SYNE1: variants seen among roughly 807,000 people sequenced by gnomAD.
SYNE1 encodes the protein spectrin repeat containing nuclear envelope protein 1.
In SYNE1, 616 loss-of-function variants were observed where a neutral mutation model predicts 1,111.0. The ratio of observed to expected loss-of-function variants is 0.55; its 90% CI spans 0.52 to 0.59. SYNE1 has a LOEUF of 0.59. Among genes scored for constraint, SYNE1 ranks in the 20% least tolerant of loss-of-function variants. The pLI is 0.00. For synonymous variants in SYNE1, 3,855 were observed against 3,825.8 expected, an observed-to-expected ratio of 1.01 and a Z score of -0.28; for missense variants, 10,006 against 10,417.0, an observed-to-expected ratio of 0.96 and a Z score of 1.72.
At chr6:152,284,227 C>G in intron 95 of SYNE1, 55 bp from the exon 96 acceptor site, 1 of 1,567,472 alleles carries the variant, frequency 6.4e-7, no homozygotes, top group Non-Finnish European at 8.8e-7. Flanking sequence ...ACTGAGGGAT[C>G]ATTAGCACTA....
intron 92 of SYNE1, among the ~76,000 whole-genome samples, chr6:152,301,318 T>G (rs2095155263): frequency 6.6e-6 from 1 of 152,214 alleles, no homozygotes; most frequent in Non-Finnish European, 1.5e-5. Flanking sequence ...AGATGGCAAG[T>G]GTATAGGAAA....
intron 127 of SYNE1, among the ~76,000 whole-genome samples, chr6:152,196,473 T>C (rs2635463): frequency 0.68 from 102,651 of 151,712 alleles, 34,872 homozygotes; most frequent in African/African-American, 0.74. Flanking sequence ...ATCCAGGGCC[T>C]ATGGGCTCTT....
At chr6:152,555,253 A>G (rs537570938) in intron 3 of SYNE1, among the ~76,000 whole-genome samples, 22 of 152,310 alleles carry the variant, frequency 1.4e-4, no homozygotes, top group African/African-American at 5.1e-4. Context: ...CCCCCAGTAT[A>G]AGCATATATC....
intron 107 of SYNE1, among the ~76,000 whole-genome samples, chr6:152,240,521 C>T (rs866075270): frequency 1.3e-5 from 2 of 152,102 alleles, no homozygotes; most frequent in African/African-American, 4.8e-5. Flanking sequence ...GAAATGTTAC[C>T]GTTTGTGTAT....
chr6:152,540,255 G>A (rs1345713036), intron 3 of SYNE1, among the ~76,000 whole-genome samples: 1 of 152,090 alleles, frequency 6.6e-6, no homozygotes, highest in East Asian at 1.9e-4. Flanking sequence ...TTAGCCCTAT[G>A]TTTACCTTCA....
chr6:152,528,590 C>G (rs1352798986), intron 4 of SYNE1, among the ~76,000 whole-genome samples: 1 of 152,088 alleles, frequency 6.6e-6, no homozygotes, highest in East Asian at 1.9e-4. Context: ...TTTGATAAGA[C>G]TTGGGTCATA....
At chr6:152,629,215 G>A (rs1337489458) in intron 2 of SYNE1, among the ~76,000 whole-genome samples, 1 of 151,764 alleles carries the variant, frequency 6.6e-6, no homozygotes, top group Non-Finnish European at 1.5e-5. Context: ...TTAAGTTTTT[G>A]TTTTTGTTTT....
At chr6:152,270,770 C>T (rs754555248) in intron 98 of SYNE1, among the ~76,000 whole-genome samples, 1 of 152,140 alleles carries the variant, frequency 6.6e-6, no homozygotes, top group African/African-American at 2.4e-5. Context: ...ATAAGGCCTA[C>T]AGAGACTGAT....
At chr6:152,590,395 C>G (rs1455992999) in intron 3 of SYNE1, among the ~76,000 whole-genome samples, 2 of 151,232 alleles carry the variant, frequency 1.3e-5, no homozygotes, top group Non-Finnish European at 2.9e-5. Context: ...CCACATAGGT[C>G]ATAGCATACT....
chr6:152,335,423 A>G lies in SYNE1; in HGVS notation c.12529-1150T>C, dbSNP rs141446537. 29 of 152,328 alleles carry G rather than the reference A, an allele frequency of 1.9e-4. No homozygotes were observed. In the East Asian group the frequency reaches 5.0e-3, roughly 26 times the overall value. The allele number at this position is 152,328 out of a possible 1,614,324, so 9.4% of individuals were successfully genotyped here. ...CATTTCTGTATTTTCTAAGCCTTTTATAATAAACAAAACTTTTCTTATAAA... is the reference window on the plus strand; with the variant it reads ...CATTTCTGTATTTTCTAAGCCTTTTGTAATAAACAAAACTTTTCTTATAAA... On this transcript the variant is annotated intron_variant, in intron 76 of 145. Transcript: ENST00000367255.
At chr6:152,238,665 AGG>A (rs2084795444) in intron 108 of SYNE1, among the ~76,000 whole-genome samples, 1 of 152,216 alleles carries the variant, frequency 6.6e-6, no homozygotes, top group South Asian at 2.1e-4. Flanking sequence ...AAGTCCACAA[AGG>A]GGAGAGAGAT....
chr6:152,269,428 A>AG, intron 98 of SYNE1, 142 bp from the exon 99 acceptor site: 1 of 1,267,624 alleles, frequency 7.9e-7, no homozygotes, highest in South Asian at 1.2e-5. Context: ...TTTTAAAAAA[A>AG]ACAGTAACAC....
At chr6:152,350,857 A>G in intron 70 of SYNE1, 87 bp from the exon 71 acceptor site, 1 of 1,468,418 alleles carries the variant, frequency 6.8e-7, no homozygotes, top group Non-Finnish European at 9.5e-7. Context: ...GCAAGAGATG[A>G]TCTACCTCAA....
At chr6:152,275,271 T>C (rs2093522253) in intron 98 of SYNE1, among the ~76,000 whole-genome samples, 2 of 151,928 alleles carry the variant, frequency 1.3e-5, no homozygotes, top group African/African-American at 4.8e-5. Flanking sequence ...AGGTTTTCCC[T>C]ATCCTAAGAT....
intron 3 of SYNE1, among the ~76,000 whole-genome samples, chr6:152,547,702 A>T (rs1269380335): frequency 2.6e-5 from 4 of 152,216 alleles, no homozygotes; most frequent in African/African-American, 9.6e-5. Flanking sequence ...AGGTATGAGT[A>T]TTGTTGAAAA....
intron 126 of SYNE1, among the ~76,000 whole-genome samples, chr6:152,202,246 C>G (rs766039782): frequency 6.9e-6 from 1 of 144,530 alleles, no homozygotes; most frequent in Non-Finnish European, 1.5e-5. Flanking sequence ...ACTCAGAAGG[C>G]TGAGGCAGGA....
intron 119 of SYNE1, among the ~76,000 whole-genome samples, chr6:152,219,393 C>T (rs1487670310): frequency 2.6e-5 from 4 of 151,012 alleles, no homozygotes; most frequent in African/African-American, 9.7e-5. Context: ...ACATTATACA[C>T]ATATAACCTA....
chr6:152,483,145 G>C lies in SYNE1; in HGVS notation c.1290C>G (p.Thr430=), dbSNP rs755709525. ...RAEVALREEI[T]VQQVHEETAN... ...CTGTTTCCTCGTGGACCTGTTGAAC[G>C]GTTATTTCCTCTCTCAGGGCCACCT... The change falls in exon 14 of 146, where the codon ACC becomes ACG. Residue 430 remains threonine, a synonymous_variant. Transcript: ENST00000367255. The C allele has an allele frequency of 4.3e-6, 7 of 1,614,078 alleles. No individual in the cohort carries two copies. The highest frequency in any genetic ancestry group is 5.9e-6 in the Non-Finnish European group (7 of 1,180,034).
In SYNE1 at chr6:152,131,796, C is replaced by T. The variant is rs1200286650; in HGVS notation, c.26094+326G>A. 3.3e-5 allele frequency among the ~76,000 whole-genome samples: 5 copies of T among 152,210 alleles called. No individual in the cohort carries two copies. The East Asian group carries it at 9.6e-4, about 29-fold the overall frequency. ...GGCCTACCTTTTAAGATAGTCGTGG[C>T]AGCCATGGCTTGAAGAAAGGAGCCA... is the stretch of plus-strand genomic sequence containing the variant. On this transcript the variant is annotated intron_variant, in intron 144 of 145. Transcript: ENST00000367255.
Sources: allele counts gnomAD v4.1 joint callset (sites outside exome capture counted in the v4.1 genomes callset), GRCh38; gene constraint gnomAD v4.1.1; transcripts MANE v1.5; gene names NCBI Gene and HGNC (gene_info 2026-07-23, HGNC 2026-07-21).